PDS5B: variants seen among roughly 807,000 people sequenced by gnomAD.
PDS5B encodes sister chromatid cohesion protein PDS5 homolog B.
PDS5B carries 51 observed loss-of-function variants against 184.1 expected under a neutral mutation model. That is an observed-to-expected ratio of 0.28 (90% CI 0.22 to 0.35). PDS5B has a LOEUF of 0.35. Among genes scored for constraint, PDS5B ranks in the 10% least tolerant of loss-of-function variants. The probability of loss-of-function intolerance (pLI) is 1.00; values close to 1 mark genes in which losing one functional copy is unlikely to be tolerated. For missense variants in PDS5B, 1,180 were observed against 1,723.3 expected (o/e 0.68, Z 5.58); for synonymous variants, 566 against 569.2 (o/e 0.99, Z 0.08).
chr13:32,711,791 C>CATATGTAGT lies in PDS5B; in HGVS notation c.2123+1687_2123+1695dup, dbSNP rs552878937. On this transcript the variant is annotated intron_variant, in intron 19 of 34. Transcript: ENST00000315596. ...TGTATGTGTGTATTTGTCGCACACA[C>CATATGTAGT]ATATGTAGTACGTATACATACCCAC... Among the ~76,000 whole-genome samples the CATATGTAGT allele has an allele frequency of 3.9e-3, 601 of 152,298 alleles. 4 individuals are homozygous for CATATGTAGT. The highest frequency in any genetic ancestry group is 0.014 in the African/African-American group (573 of 41,542).
chr13:32,655,374 A>ATATATATATATATATTTTTTT, intron 3 of PDS5B, among the ~76,000 whole-genome samples: 7 of 72,462 alleles, frequency 9.7e-5, no homozygotes, highest in African/African-American at 5.0e-4. Context: ...ATATATATAT[A>ATATATATATATATATTTTTTT]TTTTTTTTTT....
chr13:32,749,983 C>G (rs1199132054), intron 24 of PDS5B, among the ~76,000 whole-genome samples: 1 of 152,028 alleles, frequency 6.6e-6, no homozygotes, highest in Non-Finnish European at 1.5e-5. Flanking sequence ...TTTGTAATAC[C>G]AGTCAAAAGG....
At chr13:32,678,751 A>T in intron 9 of PDS5B, 84 bp from the exon 10 acceptor site, 2 of 778,328 alleles carry the variant, frequency 2.6e-6, no homozygotes, top group Admixed American at 4.6e-5. Flanking sequence ...TTCTTTAATT[A>T]GATAAATGTA....
At chr13:32,619,695 T>C (rs771205606) in intron 1 of PDS5B, among the ~76,000 whole-genome samples, 1 of 152,216 alleles carries the variant, frequency 6.6e-6, no homozygotes, top group Non-Finnish European at 1.5e-5. Context: ...TCTATTATAA[T>C]CTTATGAGAC....
chr13:32,602,827 T>A (rs2057998983), intron 1 of PDS5B, among the ~76,000 whole-genome samples: 1 of 152,244 alleles, frequency 6.6e-6, no homozygotes, highest in Non-Finnish European at 1.5e-5. Flanking sequence ...TGGTTTTGAT[T>A]TGCATTTCTC....
chr13:32,768,719 G>T (rs1452899531), intron 31 of PDS5B, among the ~76,000 whole-genome samples: 2 of 150,238 alleles, frequency 1.3e-5, no homozygotes, highest in African/African-American at 2.5e-5. Context: ...CTTGAACCCG[G>T]GAGGCAGAGG....
chr13:32,695,079 C>T (rs1951664369), intron 14 of PDS5B, among the ~76,000 whole-genome samples: 1 of 151,744 alleles, frequency 6.6e-6, no homozygotes, highest in African/African-American at 2.4e-5. Context: ...CACCTTTTCC[C>T]TAGGCATAAA....
chr13:32,633,134 T>C (rs567527239), intron 1 of PDS5B, among the ~76,000 whole-genome samples: 7 of 152,232 alleles, frequency 4.6e-5, no homozygotes, highest in African/African-American at 1.7e-4. Context: ...AGACAGACAG[T>C]AGAAGTTACC....
At chr13:32,701,074 C>T (rs1951847802) in intron 16 of PDS5B, 1 of 244,256 alleles carries the variant, frequency 4.1e-6, no homozygotes, top group Non-Finnish European at 7.9e-6. Context: ...GTTTTTATTC[C>T]AAATGTCTAT....
At chr13:32,728,693 A>C (rs962124762) in intron 19 of PDS5B, among the ~76,000 whole-genome samples, 6 of 152,190 alleles carry the variant, frequency 3.9e-5, no homozygotes, top group African/African-American at 1.4e-4. Context: ...TAAGCTGGGC[A>C]GTAAAGCTCT....
chr13:32,701,467 A>C, intron 17 of PDS5B, 29 bp downstream of exon 17: 6 of 1,292,048 alleles, frequency 4.6e-6, no homozygotes, highest in Non-Finnish European at 5.6e-6. Flanking sequence ...CTAAGTTCTC[A>C]TTGCTGTTCA....
Position 32,618,056 on chromosome 13 carries a change from G to A in PDS5B, c.-19-30698G>A, listed in dbSNP as rs75716618. Among the ~76,000 whole-genome samples, 1,303 of 152,256 alleles carry A rather than the reference G, an allele frequency of 8.6e-3. 21 individuals are homozygous for A. Among genetic ancestry groups the A allele is most frequent in the African/African-American group, 0.03 (1,247 of 41,550 alleles). On this transcript the variant is annotated intron_variant, in intron 1 of 34. Transcript: ENST00000315596. ...TGTTCTCATATGGTGGAAGGAAGGC[G>A]GAAGGGCCAGATAGCCAAACGCTGG...
At chr13:32,756,415 C>A (rs1954181917) in intron 26 of PDS5B, among the ~76,000 whole-genome samples, 1 of 152,220 alleles carries the variant, frequency 6.6e-6, no homozygotes, top group Middle Eastern at 3.4e-3. Flanking sequence ...GGGAACTACT[C>A]CTACTTATTA....
intron 21 of PDS5B, among the ~76,000 whole-genome samples, chr13:32,739,947 T>C (rs1188326955): frequency 6.6e-6 from 1 of 152,170 alleles, no homozygotes; most frequent in Non-Finnish European, 1.5e-5. Context: ...CTCTGTTGTT[T>C]CTGGTAGTAT....
At chr13:32,699,902 G>T in intron 16 of PDS5B, 33 bp downstream of exon 16, 2 of 1,513,096 alleles carry the variant, frequency 1.3e-6, no homozygotes, top group South Asian at 1.4e-5. Context: ...GTTTGAAAAA[G>T]CCCCCAAATC....
chr13:32,640,302 A>G (rs1054910203), intron 1 of PDS5B, among the ~76,000 whole-genome samples: 1 of 152,096 alleles, frequency 6.6e-6, no homozygotes, highest in Non-Finnish European at 1.5e-5. Context: ...GCTGGAGTGC[A>G]ACGGCACGAT....
intron 7 of PDS5B, 70 bp from the exon 8 acceptor site, chr13:32,673,146 A>G (rs1950979934): frequency 1.5e-6 from 2 of 1,368,042 alleles, no homozygotes; most frequent in East Asian, 2.3e-5. Context: ...ATTTGGTCAA[A>G]TAAGATTTTA....
intron 26 of PDS5B, among the ~76,000 whole-genome samples, chr13:32,756,407 G>T (rs1040492232): frequency 2.0e-5 from 3 of 152,256 alleles, no homozygotes; most frequent in South Asian, 4.1e-4. Context: ...CGTAACTGGG[G>T]AACTACTCCT....
chr13:32,640,030 G>A (rs369412530), intron 1 of PDS5B, among the ~76,000 whole-genome samples: 1 of 152,010 alleles, frequency 6.6e-6, no homozygotes, highest in Non-Finnish European at 1.5e-5. Flanking sequence ...TCAGTACTTT[G>A]TTTTCCTTTT....
Sources: allele counts gnomAD v4.1 joint callset (sites outside exome capture counted in the v4.1 genomes callset), GRCh38; gene constraint gnomAD v4.1.1; transcripts MANE v1.5; gene names NCBI Gene and HGNC (gene_info 2026-07-23, HGNC 2026-07-21).